The following CFAP20DC variants were observed in gnomAD, a reference collection of about 807,000 sequenced individuals.
The protein encoded by CFAP20DC is protein CFAP20DC.
In CFAP20DC, 84 loss-of-function variants were observed where a neutral mutation model predicts 101.7. The ratio of observed to expected loss-of-function variants is 0.83; its 90% CI spans 0.69 to 0.99. The LOEUF is 0.99. Ranked by LOEUF, CFAP20DC falls within the 50% of genes least tolerant of loss-of-function variation. CFAP20DC has a pLI of 0.00. For missense variants in CFAP20DC, 1,007 were observed against 970.3 expected (o/e 1.04, Z -0.50); for synonymous variants, 359 against 351.2 (o/e 1.02, Z -0.25).
chr3:58,976,178 C>T (rs2092266341), intron 4 of CFAP20DC, among the ~76,000 whole-genome samples: 1 of 152,168 alleles, frequency 6.6e-6, no homozygotes, highest in Non-Finnish European at 1.5e-5. Context: ...ACAAGGTACA[C>T]CTTAACATCT....
intron 15 of CFAP20DC, among the ~76,000 whole-genome samples, chr3:58,790,076 A>T (rs2072723717): frequency 6.6e-6 from 1 of 152,290 alleles, no homozygotes; most frequent in Non-Finnish European, 1.5e-5. Flanking sequence ...AAACAGAGAA[A>T]AATGCACAAA....
intron 12 of CFAP20DC, among the ~76,000 whole-genome samples, chr3:58,855,627 C>T (rs2078711632): frequency 6.6e-6 from 1 of 151,978 alleles, no homozygotes; most frequent in Admixed American, 6.5e-5. Flanking sequence ...AAATGTGGCA[C>T]AGATACACCA....
At chr3:58,973,769 A>G (rs1184657954) in intron 4 of CFAP20DC, among the ~76,000 whole-genome samples, 1 of 152,292 alleles carries the variant, frequency 6.6e-6, no homozygotes, top group African/African-American at 2.4e-5. Context: ...GGCACCCCCA[A>G]AATAGAAACA....
At chr3:58,853,500 C>G (rs967738141) in intron 12 of CFAP20DC, among the ~76,000 whole-genome samples, 1 of 152,116 alleles carries the variant, frequency 6.6e-6, no homozygotes, top group African/African-American at 2.4e-5. Context: ...CAGCATCATC[C>G]TGATACCAAA....
intron 6 of CFAP20DC, among the ~76,000 whole-genome samples, chr3:58,901,479 T>A (rs966010468): frequency 6.6e-6 from 1 of 152,196 alleles, no homozygotes; most frequent in African/African-American, 2.4e-5. Context: ...AAATAATACT[T>A]ACCTCAAAGG....
chr3:58,854,091 G>A (rs982568188), intron 12 of CFAP20DC, among the ~76,000 whole-genome samples: 2 of 152,170 alleles, frequency 1.3e-5, no homozygotes, highest in African/African-American at 4.8e-5. Context: ...AAACCCCATT[G>A]TCTCAGCCCA....
intron 15 of CFAP20DC, among the ~76,000 whole-genome samples, chr3:58,772,308 T>C (rs2070923067): frequency 6.6e-6 from 1 of 152,212 alleles, no homozygotes; most frequent in Non-Finnish European, 1.5e-5. Flanking sequence ...TAGGCACATA[T>C]GTGAATGTGC....
intron 4 of CFAP20DC, among the ~76,000 whole-genome samples, chr3:58,949,159 G>T (rs1344364058): frequency 3.3e-5 from 5 of 151,972 alleles, no homozygotes; most frequent in African/African-American, 1.2e-4. Flanking sequence ...TTTTTATTGT[G>T]TCTATTTGAT....
At chr3:58,858,663 T>A (rs1419379098) in intron 12 of CFAP20DC, among the ~76,000 whole-genome samples, 1 of 152,192 alleles carries the variant, frequency 6.6e-6, no homozygotes, top group Non-Finnish European at 1.5e-5. Flanking sequence ...AAAAATCTTA[T>A]GTAAAAGTCT....
chr3:58,855,284 G>T (rs2078669582), intron 12 of CFAP20DC, among the ~76,000 whole-genome samples: 1 of 152,132 alleles, frequency 6.6e-6, no homozygotes, highest in African/African-American at 2.4e-5. Flanking sequence ...GAACCACAAT[G>T]AGATACCATC....
At chr3:58,725,209 C>A (rs2107059625) in intron 3 of CFAP20DC, among the ~76,000 whole-genome samples, 1 of 147,362 alleles carries the variant, frequency 6.8e-6, no homozygotes, top group Non-Finnish European at 1.5e-5. Context: ...GTGAAAGTTC[C>A]TTAGCTGTTT....
At chr3:58,731,734 G>T (rs754347227) in intron 3 of CFAP20DC, among the ~76,000 whole-genome samples, 8 of 152,192 alleles carry the variant, frequency 5.3e-5, no homozygotes, top group Non-Finnish European at 1.2e-4. Context: ...TAAGTATGCG[G>T]TACAGCAGAT....
chr3:58,796,786 T>C (rs1200068603), intron 15 of CFAP20DC, among the ~76,000 whole-genome samples: 2 of 151,782 alleles, frequency 1.3e-5, no homozygotes, highest in Non-Finnish European at 2.9e-5. Context: ...GTGTCATTTA[T>C]CCAACAGCAT....
rs2079285105 is a variant in CFAP20DC, at chr3:58,861,942, C to G, written c.1593+1616G>C. 1.0e-6 allele frequency: 1 copy of G among 984,912 alleles called. No homozygotes were observed. Among genetic ancestry groups the G allele is most frequent in the Non-Finnish European group, 1.2e-6 (1 of 829,574 alleles). 61.0% of individuals were successfully genotyped at this position (984,912 alleles called of 1,614,324 possible). A position where few individuals can be genotyped will look rare whatever the true frequency, so the allele number is the denominator to read the frequency against. On this transcript the variant is annotated intron_variant, in intron 12 of 16. Coordinates refer to ENST00000482387, the MANE Select transcript of CFAP20DC (RefSeq NM_001394063.1). The surrounding 1 kb of genome is among the most constrained non-coding windows in gnomAD (Gnocchi z 4.0). ...CTGCATAATAAACGTTGAAGGATGT[C>G]AGAGGCAGAGTAGCTACAGCAAAAG...
At chr3:58,904,408 G>C (rs1242886675) in intron 6 of CFAP20DC, among the ~76,000 whole-genome samples, 10 of 151,922 alleles carry the variant, frequency 6.6e-5, no homozygotes, top group Admixed American at 6.6e-4. Flanking sequence ...TTGGCTGCTG[G>C]GCACCTCTGT....
Position 58,928,585 on chromosome 3 carries a change from A to C in CFAP20DC, c.393+9063T>G, listed in dbSNP as rs2086236727. Reference sequence around the variant, plus strand: ...TCCAGATTCTACGTTCTTAACCCCTACATACTATTTATATGTTATATATGT... The same window carrying C: ...TCCAGATTCTACGTTCTTAACCCCTCCATACTATTTATATGTTATATATGT... On this transcript the variant is annotated intron_variant, in intron 5 of 16. Transcript: ENST00000482387. Among the ~76,000 whole-genome samples the C allele has an allele frequency of 2.0e-5, 3 of 152,310 alleles. No individual in the cohort carries two copies. In the South Asian group the frequency reaches 6.2e-4, roughly 32 times the overall value.
rs1382596626 is a variant in CFAP20DC at position 58,742,561 on chromosome 3, G to T, written c.2344C>A (p.Leu782Ile). The change falls in exon 17 of 17, where the codon CTC becomes ATC. Residue 782 changes from leucine (L) to isoleucine (I), a missense_variant. Physicochemically the swap from Leu to Ile is conservative, Grantham distance 5 (BLOSUM62 2). Transcript: ENST00000482387. Reference sequence around the variant, plus strand: ...ACTTCCTCGTCCTCTTCCACACTGAGGTCTTCTTCACCTGTGGGGAAGGGG... The same window carrying T: ...ACTTCCTCGTCCTCTTCCACACTGATGTCTTCTTCACCTGTGGGGAAGGGG... The part of the protein sequence containing the change: ...ESLSVQGEED[L>I]SVEEDEEVLT... 3.7e-6 allele frequency: 6 copies of T among 1,600,150 alleles called. No homozygotes were observed. Among genetic ancestry groups the T allele is most frequent in the Non-Finnish European group, 2.6e-6 (3 of 1,172,922 alleles).
At chr3:58,996,282 G>A (rs1407204492) in intron 4 of CFAP20DC, among the ~76,000 whole-genome samples, 1 of 152,120 alleles carries the variant, frequency 6.6e-6, no homozygotes, top group African/African-American at 2.4e-5. Flanking sequence ...TAGCAAAAGA[G>A]AATGAGGATA....
chr3:58,936,423 G>T (rs1285082143), intron 5 of CFAP20DC, among the ~76,000 whole-genome samples: 1 of 152,076 alleles, frequency 6.6e-6, no homozygotes, highest in African/African-American at 2.4e-5. Flanking sequence ...CCCATTACTG[G>T]GTATATACCC....
Sources: allele counts gnomAD v4.1 joint callset (sites outside exome capture counted in the v4.1 genomes callset), GRCh38; gene constraint gnomAD v4.1.1; non-coding constraint Gnocchi (gnomAD v3.1); transcripts MANE v1.5; gene names NCBI Gene and HGNC (gene_info 2026-07-23, HGNC 2026-07-21).